The following STOX1 variants were observed in gnomAD, a reference collection of about 807,000 sequenced individuals.
The protein encoded by STOX1 is storkhead-box protein 1.
Under a neutral mutation model 74.8 loss-of-function variants are expected in STOX1, and 57 were observed. The ratio of observed to expected loss-of-function variants is 0.76; its 90% confidence interval spans 0.62 to 0.95. The LOEUF (loss-of-function observed/expected upper bound fraction) is 0.95, where lower values mean the gene tolerates loss of function less well. STOX1 is among the 40% of genes least tolerant of loss of function. The pLI is 0.00. For missense variants in STOX1, 1,010 were observed against 1,117.0 expected (o/e 0.90, Z 1.37); for synonymous variants, 375 against 401.3 (o/e 0.93, Z 0.78).
At chr10:68,848,853 A>G (rs1431251088) in intron 1 of STOX1, among the ~76,000 whole-genome samples, 2 of 152,206 alleles carry the variant, frequency 1.3e-5, no homozygotes, top group South Asian at 2.1e-4. Context: ...ATTTTCCTGT[A>G]GAGTTGAGTT....
intron 1 of STOX1, among the ~76,000 whole-genome samples, chr10:68,839,919 C>G (rs909836910): frequency 5.3e-5 from 8 of 151,920 alleles, no homozygotes; most frequent in Admixed American, 1.3e-4. Flanking sequence ...CACACACAAA[C>G]AAAACAAAAA....
chr10:68,881,532 G>A lies in STOX1; in HGVS notation c.311-426G>A, dbSNP rs377153171. Among the ~76,000 whole-genome samples the A allele has an allele frequency of 5.1e-4, 78 of 152,216 alleles. No homozygotes were observed. The South Asian group carries it at 0.016, about 31-fold the overall frequency. On this transcript the variant is annotated intron_variant, in intron 1 of 3. Transcript: ENST00000298596. ...TTTTAGACTTGGGACCATTACTTGA[G>A]TTTTCTATAACTTTATATATTTTAA...
At chr10:68,882,646 C>T (rs559873115) in intron 2 of STOX1, among the ~76,000 whole-genome samples, 2 of 151,954 alleles carry the variant, frequency 1.3e-5, no homozygotes, top group East Asian at 3.9e-4. Context: ...TTACAGGCGC[C>T]TGCCAGCATG....
In STOX1 at chr10:68,884,868, G is replaced by T. The variant is rs1323987412; in HGVS notation, c.1072G>T (p.Glu358Ter). The change falls in exon 3 of 4, where the codon GAA (glutamate) becomes TAA (stop). Residue 358 changes from glutamate to a stop codon, truncating the protein, a stop_gained. Coordinates refer to ENST00000298596, the MANE Select transcript of STOX1 (RefSeq NM_152709.5). LOFTEE classifies it high-confidence loss of function. ...CTTGGACAATATCCCTCGAGATGTT[G>T]AACATGAGATAATCAAACGAATTAA... ...DDLDNIPRDVEHEIIKRINPI... is the reference protein window; with the variant it reads ...DDLDNIPRDV 6.2e-7 allele frequency: 1 copy of T among 1,614,000 alleles called. No individual in the cohort carries two copies. Among genetic ancestry groups the T allele is most frequent in the South Asian group, 1.1e-5 (1 of 91,074 alleles).
chr10:68,860,638 G>T (rs1840245231), intron 1 of STOX1, among the ~76,000 whole-genome samples: 1 of 151,572 alleles, frequency 6.6e-6, no homozygotes, highest in South Asian at 2.1e-4. Flanking sequence ...AAGTTATGAG[G>T]CTGGGAAATT....
rs1290629723 is a variant in STOX1, at chr10:68,885,525, G to A, written c.1729G>A (p.Asp577Asn). Residue 577 changes from aspartate to asparagine, a missense_variant, in exon 3 of 4, where the codon GAC becomes AAC. Asp to Asn is a conservative substitution (Grantham distance 23, BLOSUM62 1). Transcript: ENST00000298596. ...NDPTVKPIND[D>N]FRGHLFSHPQ... The stretch of plus-strand genomic sequence containing the variant: ...CCCTACTGTCAAACCCATCAATGAT[G>A]ACTTCAGAGGTCACCTCTTCAGTCA... The A allele has an allele frequency of 6.2e-7, 1 of 1,614,184 alleles. No homozygotes were observed. The highest frequency in any genetic ancestry group is 1.1e-5 in the South Asian group (1 of 91,078).
At chr10:68,837,009 C>T (rs1051155265) in intron 1 of STOX1, among the ~76,000 whole-genome samples, 1 of 152,206 alleles carries the variant, frequency 6.6e-6, no homozygotes, top group African/African-American at 2.4e-5. Flanking sequence ...GCTGGGCTGC[C>T]CTTGCGCTTG....
At chr10:68,883,002 C>T (rs1262901875) in intron 2 of STOX1, among the ~76,000 whole-genome samples, 1 of 152,146 alleles carries the variant, frequency 6.6e-6, no homozygotes. Context: ...TGAAGCAATC[C>T]ACCTGCCTCA....
chr10:68,857,026 G>C (rs1840142980), intron 1 of STOX1, among the ~76,000 whole-genome samples: 1 of 152,044 alleles, frequency 6.6e-6, no homozygotes, highest in South Asian at 2.1e-4. Flanking sequence ...TGACAAGTAG[G>C]ACCCTATCAT....
In STOX1 at chr10:68,884,626, C is replaced by G. The variant is rs369272078; in HGVS notation, c.830C>G (p.Ser277Cys). The G allele has an allele frequency of 2.1e-5, 34 of 1,613,904 alleles. No individual in the cohort carries two copies. Among genetic ancestry groups the G allele is most frequent in the Non-Finnish European group, 2.5e-5 (30 of 1,180,044 alleles). ...KSHRGLGESV[S>C]WVQNGAVSVS... is the part of the protein sequence containing the mutation. ...CACAGAGGTCTTGGGGAATCCGTATCTTGGGTACAGAATGGGGCAGTTTCA... is the reference window on the plus strand; with the variant it reads ...CACAGAGGTCTTGGGGAATCCGTATGTTGGGTACAGAATGGGGCAGTTTCA... Residue 277 changes from serine (S) to cysteine (C), a missense_variant, in exon 3 of 4, where the codon TCT (serine) becomes TGT (cysteine). By Grantham distance (112) the Ser-to-Cys change is moderately radical (BLOSUM62 -1). Coordinates refer to ENST00000298596, the MANE Select transcript of STOX1 (RefSeq NM_152709.5).
rs140276353 is a variant in STOX1 at position 68,831,322 on chromosome 10, G to A, written c.310+3389G>A. On this transcript the variant is annotated intron_variant, in intron 1 of 3. Coordinates refer to ENST00000298596, the MANE Select transcript of STOX1 (RefSeq NM_152709.5). ...CCTGCCTCAGCATCCCGGTAGCTGG[G>A]ATGACAGGTGCCCGCCACCATGCCC... Among the ~76,000 whole-genome samples, 671 of 152,140 alleles carry A rather than the reference G, an allele frequency of 4.4e-3. 10 individuals are homozygous for A. Among genetic ancestry groups the A allele is most frequent in the African/African-American group, 0.015 (639 of 41,512 alleles).
At chr10:68,831,985 T>C (rs1839425470) in intron 1 of STOX1, among the ~76,000 whole-genome samples, 1 of 151,366 alleles carries the variant, frequency 6.6e-6, no homozygotes. Context: ...GGCTGGTCTC[T>C]AACTGCTGGG....
Position 68,885,140 on chromosome 10 carries a change from A to G in STOX1, c.1344A>G (p.Arg448=). The change falls in exon 3 of 4, where the codon AGA becomes AGG. Residue 448 remains arginine, a synonymous_variant. Coordinates refer to ENST00000298596, the MANE Select transcript of STOX1 (RefSeq NM_152709.5). The stretch of plus-strand genomic sequence containing the variant: ...GTGAGTTTCAGCCAGGAAGCATTAG[A>G]CTGGAGAAACACCCCAAGCTCCCTG... ...QGSEFQPGSI[R]LEKHPKLPAT... is the part of the protein sequence containing the mutation. 2 of 1,613,748 alleles carry G rather than the reference A, an allele frequency of 1.2e-6. No individual in the cohort carries two copies. The highest frequency in any genetic ancestry group is 1.1e-5 in the South Asian group (1 of 91,004).
chr10:68,849,851 C>T (rs762368769), intron 1 of STOX1, among the ~76,000 whole-genome samples: 3 of 152,194 alleles, frequency 2.0e-5, no homozygotes, highest in South Asian at 2.1e-4. Context: ...AGCATTTTTC[C>T]GAATCCTCTT....
intron 1 of STOX1, among the ~76,000 whole-genome samples, chr10:68,845,431 G>C (rs1181608476): frequency 6.6e-6 from 1 of 151,098 alleles, no homozygotes; most frequent in Non-Finnish European, 1.5e-5. Flanking sequence ...CTGCCACCAT[G>C]CCCGGCTAAT....
At chr10:68,884,209 T>C (rs1188595019) in intron 2 of STOX1, 51 bp from the exon 3 acceptor site, 2 of 1,539,132 alleles carry the variant, frequency 1.3e-6, no homozygotes, top group Non-Finnish European at 1.8e-6. Flanking sequence ...ATTTCACTCA[T>C]TAAAATTTTT....
chr10:68,886,409 A>G lies in STOX1; in HGVS notation c.2613A>G (p.Gln871=). 6.2e-7 allele frequency: 1 copy of G among 1,614,246 alleles called. No individual in the cohort carries two copies. The highest frequency in any genetic ancestry group is 8.5e-7 in the Non-Finnish European group (1 of 1,180,042). Reference sequence around the variant, plus strand: ...CCAGTTTTGAAGCTGAAGTCATACAAGACACTATTGGTGACACAGGAAAGA... The same window carrying G: ...CCAGTTTTGAAGCTGAAGTCATACAGGACACTATTGGTGACACAGGAAAGA... ...RKASFEAEVI[Q]DTIGDTGKKP... is the part of the protein sequence containing the mutation. The change falls in exon 3 of 4, where the codon CAA becomes CAG. Residue 871 remains glutamine, a synonymous_variant. Transcript: ENST00000298596.
At chr10:68,875,248 T>C (rs1840647408) in intron 1 of STOX1, among the ~76,000 whole-genome samples, 1 of 152,222 alleles carries the variant, frequency 6.6e-6, no homozygotes, top group Admixed American at 6.5e-5. Flanking sequence ...GCCCATGTGC[T>C]GACGCCAACT....
rs765686756 is a variant in STOX1 at position 68,892,762 on chromosome 10, C to A, written c.*26C>A. 6.2e-7 allele frequency: 1 copy of A among 1,607,434 alleles called. No homozygotes were observed. The highest frequency in any genetic ancestry group is 1.7e-5 in the Admixed American group (1 of 59,856). On this transcript the variant is annotated 3_prime_UTR_variant, in exon 4 of 4. Coordinates refer to ENST00000298596, the MANE Select transcript of STOX1 (RefSeq NM_152709.5). Reference sequence around the variant, plus strand: ...TTTTCTTTTGGAAACCTACTTTTTTCTTTATAAAAAGGTAGAGCATTATTA... The same window carrying A: ...TTTTCTTTTGGAAACCTACTTTTTTATTTATAAAAAGGTAGAGCATTATTA...
Sources: allele counts gnomAD v4.1 joint callset (sites outside exome capture counted in the v4.1 genomes callset), GRCh38; gene constraint gnomAD v4.1.1; transcripts MANE v1.5; gene names NCBI Gene and HGNC (gene_info 2026-07-23, HGNC 2026-07-21).